The following GPC5 variants were observed in gnomAD, a reference collection of about 807,000 sequenced individuals.
GPC5 encodes glypican 5, also known as glypican-5.
In GPC5, 47 loss-of-function variants were observed where a neutral mutation model predicts 53.9. The observed-to-expected ratio is 0.87, with a 90% CI of 0.69 to 1.11. GPC5 has a LOEUF of 1.11. Among genes scored for constraint, GPC5 ranks in the 50% most tolerant of loss-of-function variants. GPC5 has a pLI of 0.00. For synonymous variants in GPC5, 286 were observed against 263.3 expected, an observed-to-expected ratio of 1.09 and a Z score of -0.84; for missense variants, 748 against 713.1, an observed-to-expected ratio of 1.05 and a Z score of -0.56.
At chr13:92,701,476 G>C (rs1298762793) in intron 7 of GPC5, 1 of 151,994 alleles carries the variant, frequency 6.6e-6, no homozygotes, top group Non-Finnish European at 1.5e-5. Context: ...CAATTTTCAG[G>C]GATTTTTCAG....
At chr13:91,413,220 G>T (rs1306818780) in intron 1 of GPC5, among the ~76,000 whole-genome samples, 1 of 152,198 alleles carries the variant, frequency 6.6e-6, no homozygotes, top group Non-Finnish European at 1.5e-5. Context: ...GGTGAAGGCT[G>T]CAGTGAACTA....
intron 7 of GPC5, among the ~76,000 whole-genome samples, chr13:92,572,700 T>A (rs9523717): frequency 0.55 from 83,145 of 152,058 alleles, 24,523 homozygotes; most frequent in African/African-American, 0.77. Flanking sequence ...TTTTCCCAAG[T>A]TGTTCTTCCT....
chr13:92,678,135 T>G (rs1887006776), intron 7 of GPC5, among the ~76,000 whole-genome samples: 1 of 152,220 alleles, frequency 6.6e-6, no homozygotes, highest in Admixed American at 6.5e-5. Context: ...AAATGTTCAA[T>G]GTATGTTTGT....
intron 7 of GPC5, among the ~76,000 whole-genome samples, chr13:92,436,146 G>A (rs902840479): frequency 3.3e-5 from 5 of 152,054 alleles, no homozygotes; most frequent in Non-Finnish European, 5.9e-5. Context: ...TAATGTTGAT[G>A]GAAAAATGGC....
Position 92,595,535 on chromosome 13 carries a change from G to A in GPC5, c.1562-270747G>A, listed in dbSNP as rs542028306. ...TGTAATCCCAGCACTTTGGGAGGCC[G>A]AGGCAGGCGGATCACGAGGTCAGGA... On this transcript the variant is annotated intron_variant, in intron 7 of 7. Transcript: ENST00000377067. Among the ~76,000 whole-genome samples, 128 of 151,998 alleles carry A rather than the reference G, an allele frequency of 8.4e-4. 1 individual carries two copies. The highest frequency in any genetic ancestry group is 2.8e-3 in the African/African-American group (118 of 41,494).
At position 91,497,929 on chromosome 13, in the gene GPC5, C is replaced by A. The variant is rs533333601; in HGVS notation, c.325+49007C>A. 3.3e-5 allele frequency among the ~76,000 whole-genome samples: 5 copies of A among 152,212 alleles called. No individual in the cohort carries two copies. In the East Asian group the frequency reaches 7.7e-4, roughly 24 times the overall value. ...GGTATCCATCACCTCAAGAATGTATCCTTTGTGTTACAAACAATCCAATTC... is the reference window on the plus strand; with the variant it reads ...GGTATCCATCACCTCAAGAATGTATACTTTGTGTTACAAACAATCCAATTC... On this transcript the variant is annotated intron_variant, in intron 2 of 7. Coordinates refer to ENST00000377067, the MANE Select transcript of GPC5 (RefSeq NM_004466.6).
intron 1 of GPC5, among the ~76,000 whole-genome samples, chr13:91,413,176 G>A (rs1017722117): frequency 1.7e-4 from 26 of 152,198 alleles, no homozygotes; most frequent in African/African-American, 5.8e-4. Flanking sequence ...AGCTAATCAG[G>A]TAGCTGAGGT....
At chr13:91,449,477 A>C (rs1156962917) in intron 2 of GPC5, among the ~76,000 whole-genome samples, 1 of 152,118 alleles carries the variant, frequency 6.6e-6, no homozygotes, top group Non-Finnish European at 1.5e-5. Flanking sequence ...TGAGCCCTGC[A>C]TGCATTAGGT....
chr13:91,674,390 TAC>T (rs200655300), intron 2 of GPC5, among the ~76,000 whole-genome samples: 2 of 139,826 alleles, frequency 1.4e-5, no homozygotes, highest in African/African-American at 5.4e-5. Context: ...TATATATATA[TAC>T]ACACACACAT....
intron 6 of GPC5, among the ~76,000 whole-genome samples, chr13:92,022,944 T>G (rs2040770821): frequency 6.6e-6 from 1 of 152,076 alleles, no homozygotes; most frequent in Admixed American, 6.6e-5. Flanking sequence ...ATTTAGTGCT[T>G]CTTTATACAG....
rs148635781 is a variant in GPC5 at position 92,443,782 on chromosome 13, A to G, written c.1561+298793A>G. Among the ~76,000 whole-genome samples the G allele has an allele frequency of 3.0e-3, 463 of 152,336 alleles. 3 individuals carry two copies. The highest frequency in any genetic ancestry group is 0.02 in the Middle Eastern group (6 of 294). Reference sequence around the variant, plus strand: ...GCAGTAGCCTCACATTTCTGAAAGCATTAGTGCAGGTGGCCATCTATTGAA... The same window carrying G: ...GCAGTAGCCTCACATTTCTGAAAGCGTTAGTGCAGGTGGCCATCTATTGAA... On this transcript the variant is annotated intron_variant, in intron 7 of 7. Coordinates refer to ENST00000377067, the MANE Select transcript of GPC5 (RefSeq NM_004466.6).
At chr13:91,627,484 T>A (rs77507807) in intron 2 of GPC5, among the ~76,000 whole-genome samples, 6,950 of 152,182 alleles carry the variant, frequency 0.046, 199 homozygotes, top group Middle Eastern at 0.071. Context: ...CTTAAATTTT[T>A]CTTTTACACC....
chr13:91,540,266 A>G (rs1448360984), intron 2 of GPC5, among the ~76,000 whole-genome samples: 1 of 152,212 alleles, frequency 6.6e-6, no homozygotes, highest in African/African-American at 2.4e-5. Flanking sequence ...CACCAATCCA[A>G]ATAAACTCTG....
chr13:92,685,566 T>TTTTTTAA, intron 7 of GPC5, among the ~76,000 whole-genome samples: 2 of 143,068 alleles, frequency 1.4e-5, no homozygotes, highest in Non-Finnish European at 3.0e-5. Context: ...TTTAATTTTT[T>TTTTTTAA]TTTTTTTTAT....
At chr13:91,528,333 C>G (rs1594211549) in intron 2 of GPC5, among the ~76,000 whole-genome samples, 1 of 152,172 alleles carries the variant, frequency 6.6e-6, no homozygotes, top group Non-Finnish European at 1.5e-5. Context: ...TTATCTTTCT[C>G]AAGTTCAAAG....
At chr13:92,139,085 T>C (rs2138974805) in intron 6 of GPC5, among the ~76,000 whole-genome samples, 1 of 152,304 alleles carries the variant, frequency 6.6e-6, no homozygotes, top group East Asian at 1.9e-4. Context: ...AAGTATTTCT[T>C]GGTATGATTC....
chr13:91,630,830 CTTTTGTTTTTTTGTTTTTTGT>C (rs958528100), intron 2 of GPC5, among the ~76,000 whole-genome samples: 2 of 151,800 alleles, frequency 1.3e-5, no homozygotes, highest in African/African-American at 4.8e-5. Flanking sequence ...GAAGGTTTTT[CTTTTGTTTTTTTGTTTTTTGT>C]TTTTGTTTTT....
At chr13:92,072,543 C>T (rs1034389421) in intron 6 of GPC5, among the ~76,000 whole-genome samples, 39 of 145,520 alleles carry the variant, frequency 2.7e-4, no homozygotes, top group Non-Finnish European at 4.8e-4. Context: ...GGATTACAGG[C>T]GTGAGCCACT....
chr13:92,032,277 G>A (rs1288636938), intron 6 of GPC5, among the ~76,000 whole-genome samples: 2 of 150,492 alleles, frequency 1.3e-5, no homozygotes, highest in African/African-American at 4.9e-5. Flanking sequence ...TGTACTTTGG[G>A]GACTCCGGGG....
Sources: allele counts gnomAD v4.1 joint callset (sites outside exome capture counted in the v4.1 genomes callset), GRCh38; gene constraint gnomAD v4.1.1; transcripts MANE v1.5; gene names NCBI Gene and HGNC (gene_info 2026-07-23, HGNC 2026-07-21).